GET4: variants seen among roughly 807,000 people sequenced by gnomAD.
GET4 encodes the protein Golgi to ER traffic protein 4 homolog.
In GET4, 20 loss-of-function variants were observed where a neutral mutation model predicts 40.0. The observed-to-expected ratio is 0.50, with a 90% CI of 0.35 to 0.73. The LOEUF (loss-of-function observed/expected upper bound fraction) is 0.73, where lower values mean the gene tolerates loss of function less well. Among genes scored for constraint, GET4 ranks in the 30% least tolerant of loss-of-function variants. The pLI is 0.01. For synonymous variants in GET4, 280 were observed against 194.6 expected, an observed-to-expected ratio of 1.44 and a Z score of -3.65; for missense variants, 557 against 454.0, an observed-to-expected ratio of 1.23 and a Z score of -2.06.
intron 1 of GET4, chr7:880,810 C>G (rs545611964): frequency 2.0e-5 from 3 of 152,364 alleles, no homozygotes; most frequent in African/African-American, 7.2e-5. Context: ...ATTCCCAGCT[C>G]TGCTTCAGAG....
intron 2 of GET4, 108 bp downstream of exon 2, chr7:886,242 C>T: frequency 1.3e-6 from 1 of 744,778 alleles, no homozygotes; most frequent in Non-Finnish European, 2.3e-6. Context: ...TGCCCTGGGC[C>T]TCGGCCACTG....
intron 1 of GET4, chr7:880,603 G>A (rs1429318128): frequency 6.6e-6 from 1 of 152,244 alleles, no homozygotes; most frequent in Non-Finnish European, 1.5e-5. Context: ...GGCACGGTGT[G>A]GCTTAGCTCG....
chr7:879,137 C>T (rs929382656), intron 1 of GET4, among the ~76,000 whole-genome samples: 2 of 152,238 alleles, frequency 1.3e-5, no homozygotes, highest in South Asian at 2.1e-4. Context: ...CTTTCCATAG[C>T]AAGTGGAATT....
intron 1 of GET4, chr7:878,144 G>GGCCGGTGTAGCCCTCC (rs1844006241): frequency 2.5e-6 from 1 of 398,924 alleles, no homozygotes; most frequent in African/African-American, 2.1e-5. Flanking sequence ...ACACCTGCAC[G>GGCCGGTGTAGCCCTCC]GCCGGTGTAG....
intron 8 of GET4, among the ~76,000 whole-genome samples, chr7:894,431 C>T (rs949907155): frequency 6.6e-6 from 1 of 152,174 alleles, no homozygotes; most frequent in African/African-American, 2.4e-5. Flanking sequence ...GAGCCGCCTG[C>T]CTTCCCAGCG....
At chr7:882,682 T>C (rs1432068916) in intron 1 of GET4, 1 of 152,486 alleles carries the variant, frequency 6.6e-6, no homozygotes, top group Non-Finnish European at 1.5e-5. Context: ...CGGCCGACCT[T>C]GCCCCGGGGA....
intron 1 of GET4, among the ~76,000 whole-genome samples, chr7:877,306 C>CG (rs1360818647): frequency 1.4e-5 from 2 of 145,034 alleles, no homozygotes; most frequent in African/African-American, 5.2e-5. Context: ...CCTTGCCCCC[C>CG]GCCTCGCTCT....
chr7:890,646 C>A (rs1844300048), intron 4 of GET4, among the ~76,000 whole-genome samples: 2 of 152,116 alleles, frequency 1.3e-5, no homozygotes, highest in Admixed American at 6.5e-5. Flanking sequence ...TTGGTTATCA[C>A]AACGAACATT....
chr7:891,271 C>G (rs924574476), intron 5 of GET4, among the ~76,000 whole-genome samples: 1 of 152,244 alleles, frequency 6.6e-6, no homozygotes, highest in African/African-American at 2.4e-5. Flanking sequence ...GAAACTCCCC[C>G]TTTCCCGACG....
intron 5 of GET4, among the ~76,000 whole-genome samples, chr7:891,636 C>T (rs1053322917): frequency 1.3e-5 from 2 of 152,258 alleles, no homozygotes; most frequent in South Asian, 2.1e-4. Context: ...TACTTGTGCC[C>T]GTCAGTTTCT....
intron 1 of GET4, chr7:879,761 T>A (rs1386833267): frequency 6.6e-6 from 1 of 152,268 alleles, no homozygotes; most frequent in African/African-American, 2.4e-5. Context: ...ATTTTATCTC[T>A]GGAAGAAACA....
chr7:887,690 G>A (rs1215314112), intron 4 of GET4, among the ~76,000 whole-genome samples, 171 bp downstream of exon 4: 2 of 152,246 alleles, frequency 1.3e-5, no homozygotes, highest in African/African-American at 4.8e-5. Context: ...CGGGATCAGA[G>A]CCACTGCACC....
At chr7:894,317 C>T (rs1005323775) in intron 8 of GET4, among the ~76,000 whole-genome samples, 6 of 152,146 alleles carry the variant, frequency 3.9e-5, no homozygotes, top group South Asian at 2.1e-4. Flanking sequence ...CGCTGCCAGC[C>T]GTCGTGCTGG....
intron 1 of GET4, among the ~76,000 whole-genome samples, 164 bp downstream of exon 1, chr7:876,964 C>T (rs1321943919): frequency 1.3e-5 from 2 of 151,770 alleles, no homozygotes; most frequent in Non-Finnish European, 2.9e-5. Flanking sequence ...TGGGCCGCGT[C>T]TCCGGGGTCT....
Position 886,040 on chromosome 7 carries a change from C to T in GET4, c.156-16C>T. ...AGGGCACGTGGGCGTGGCTCACGGT[C>T]TCCTCTCTGTGGCAGGTACATGTCC... On this transcript the variant is annotated splice_polypyrimidine_tract_variant and intron_variant, in intron 1 of 8. Transcript: ENST00000265857. 6.5e-7 allele frequency: 1 copy of T among 1,544,080 alleles called. No individual in the cohort carries two copies. Among genetic ancestry groups the T allele is most frequent in the Non-Finnish European group, 8.9e-7 (1 of 1,117,632 alleles).
chr7:890,916 T>C lies in GET4; in HGVS notation c.467-12T>C. On this transcript the variant is annotated splice_polypyrimidine_tract_variant and intron_variant, in intron 4 of 8. Transcript: ENST00000265857. ...TGAAATGTATTTACATTTTTCTGTC[T>C]TTCCTTTGCAGAACAAAACTATTGT... 6.3e-7 allele frequency: 1 copy of C among 1,588,504 alleles called. No homozygotes were observed. Among genetic ancestry groups the C allele is most frequent in the Non-Finnish European group, 8.6e-7 (1 of 1,156,970 alleles).
At chr7:888,021 T>G (rs1057481813) in intron 4 of GET4, among the ~76,000 whole-genome samples, 1 of 152,088 alleles carries the variant, frequency 6.6e-6, no homozygotes, top group Non-Finnish European at 1.5e-5. Flanking sequence ...TTGAGTGACT[T>G]GAACGAGGTG....
At chr7:878,726 G>A (rs190501375) in intron 1 of GET4, among the ~76,000 whole-genome samples, 36 of 151,996 alleles carry the variant, frequency 2.4e-4, no homozygotes, top group African/African-American at 6.3e-4. Context: ...AATTACTGGC[G>A]CGCACCACCA....
At chr7:892,225 G>T (rs569407575) in intron 5 of GET4, 53 bp from the exon 6 acceptor site, 74 of 1,571,850 alleles carry the variant, frequency 4.7e-5, no homozygotes, top group Non-Finnish European at 1.7e-6. Flanking sequence ...CGCCTGTGCG[G>T]GCAGAAGCTG....
Sources: allele counts gnomAD v4.1 joint callset (sites outside exome capture counted in the v4.1 genomes callset), GRCh38; gene constraint gnomAD v4.1.1; transcripts MANE v1.5; gene names NCBI Gene and HGNC (gene_info 2026-07-23, HGNC 2026-07-21).